Variants in ITGA9 observed in about 807,000 individuals in gnomAD.
ITGA9 encodes integrin subunit alpha 9.
In ITGA9, 56 loss-of-function variants were observed where a neutral mutation model predicts 127.8. That is an observed-to-expected ratio of 0.44 (90% CI 0.35 to 0.55). The LOEUF is 0.55. Among genes scored for constraint, ITGA9 ranks in the 20% least tolerant of loss-of-function variants. The pLI, the probability that ITGA9 is intolerant of heterozygous loss-of-function variation, is 0.00. For missense variants in ITGA9, 1,196 were observed against 1,347.1 expected (o/e 0.89, Z 1.76); for synonymous variants, 508 against 514.5 (o/e 0.99, Z 0.17).
intron 8 of ITGA9, among the ~76,000 whole-genome samples, chr3:37,511,449 T>C (rs936226639): frequency 6.6e-6 from 1 of 152,238 alleles, no homozygotes; most frequent in Admixed American, 6.5e-5. Flanking sequence ...ACTTCACATA[T>C]AGAGATTTCT....
At chr3:37,673,383 G>A (rs915511177) in intron 17 of ITGA9, among the ~76,000 whole-genome samples, 2 of 152,162 alleles carry the variant, frequency 1.3e-5, no homozygotes, top group Admixed American at 1.3e-4. Flanking sequence ...TTGCAGATAA[G>A]CTTCTTGGGA....
chr3:37,659,256 A>G (rs1015925637), intron 17 of ITGA9, among the ~76,000 whole-genome samples: 14 of 152,238 alleles, frequency 9.2e-5, no homozygotes, highest in Admixed American at 5.2e-4. Context: ...CTCCTGGATA[A>G]TATCCTGAAG....
At position 37,464,206 on chromosome 3, in the gene ITGA9, A is replaced by T. The variant is rs147057885; in HGVS notation, c.186-6801A>T. On this transcript the variant is annotated intron_variant, in intron 1 of 27. Transcript: ENST00000264741. ...GTGTTTTTGCAGATTTTTTTGTGCT[A>T]GTTCTTGTTATCAGTTGTTTATGCA... Among the ~76,000 whole-genome samples the T allele has an allele frequency of 5.4e-5, 8 of 148,386 alleles. No individual in the cohort carries two copies. In the East Asian group the frequency reaches 1.6e-3, roughly 29 times the overall value.
intron 18 of ITGA9, among the ~76,000 whole-genome samples, chr3:37,725,024 G>A (rs1701231456): frequency 6.6e-6 from 1 of 152,108 alleles, no homozygotes; most frequent in African/African-American, 2.4e-5. Flanking sequence ...CACCCTCTCT[G>A]TGACTTCTCA....
chr3:37,470,048 C>T (rs1463917612), intron 1 of ITGA9, among the ~76,000 whole-genome samples: 1 of 152,036 alleles, frequency 6.6e-6, no homozygotes, highest in Non-Finnish European at 1.5e-5. Context: ...CTGCCCACCT[C>T]GGCCTCCCAG....
intron 20 of ITGA9, among the ~76,000 whole-genome samples, chr3:37,737,337 TTGTC>T (rs200426450): frequency 0.013 from 1,946 of 152,270 alleles, 20 homozygotes; most frequent in Non-Finnish European, 0.015. Context: ...CCTCTGCAAA[TTGTC>T]TGGCTGGGCC....
At chr3:37,804,592 G>A (rs1697271655) in intron 27 of ITGA9, among the ~76,000 whole-genome samples, 1 of 152,268 alleles carries the variant, frequency 6.6e-6, no homozygotes, top group African/African-American at 2.4e-5. Flanking sequence ...CATCAGTAAT[G>A]GTATTGGAGG....
intron 18 of ITGA9, among the ~76,000 whole-genome samples, chr3:37,711,089 G>T (rs907679725): frequency 1.3e-5 from 2 of 152,194 alleles, no homozygotes; most frequent in African/African-American, 4.8e-5. Context: ...GGCTCCACTG[G>T]AGGATCTGCT....
chr3:37,616,576 C>A (rs1356903953), intron 15 of ITGA9, among the ~76,000 whole-genome samples: 1 of 152,098 alleles, frequency 6.6e-6, no homozygotes, highest in Non-Finnish European at 1.5e-5. Flanking sequence ...GTTAAAGTCT[C>A]CCATTATATT....
At position 37,452,622 on chromosome 3, in the gene ITGA9, G is replaced by A; in HGVS notation, c.185+63G>A. 1.5e-6 allele frequency: 2 copies of A among 1,356,470 alleles called. No individual in the cohort carries two copies. Among genetic ancestry groups the A allele is most frequent in the Non-Finnish European group, 1.9e-6 (2 of 1,034,146 alleles). The allele number at this position is 1,356,470 out of a possible 1,614,324, so 84.0% of individuals were successfully genotyped here. ...GGCCACCGCCCCGGCCCCCAGGCCA[G>A]CGCCGCCGCCGCCTTTCCGGTCTCT... is the stretch of plus-strand genomic sequence containing the variant. On this transcript the variant is annotated intron_variant, in intron 1 of 27. Coordinates refer to ENST00000264741, the MANE Select transcript of ITGA9 (RefSeq NM_002207.3). The surrounding 1 kb of genome is among the most constrained non-coding windows in gnomAD (Gnocchi z 7.3).
rs755375014 is a variant in ITGA9 at position 37,743,968 on chromosome 3, C to T, written c.2367C>T (p.Asp789=). 18 of 1,613,944 alleles carry T rather than the reference C, an allele frequency of 1.1e-5. No individual in the cohort carries two copies. In the Middle Eastern group the frequency reaches 6.6e-4, roughly 59 times the overall value. ...PTSFVYGESV[D]AANFIQLDDL... Reference sequence around the variant, plus strand: ...CCTTTGTATATGGCGAGTCCGTGGACGCAGCCAACTTCATTCAGCTGGATG... The same window carrying T: ...CCTTTGTATATGGCGAGTCCGTGGATGCAGCCAACTTCATTCAGCTGGATG... Residue 789 remains aspartate, a synonymous_variant, in exon 22 of 28, where the codon GAC becomes GAT. Coordinates refer to ENST00000264741, the MANE Select transcript of ITGA9 (RefSeq NM_002207.3).
intron 16 of ITGA9, among the ~76,000 whole-genome samples, chr3:37,632,315 G>A (rs576936825): frequency 6.6e-6 from 1 of 152,236 alleles, no homozygotes; most frequent in East Asian, 1.9e-4. Context: ...AGGAATGAAA[G>A]GCAAGGGAAG....
intron 23 of ITGA9, among the ~76,000 whole-genome samples, chr3:37,761,473 T>C (rs1696722538): frequency 6.6e-6 from 1 of 152,206 alleles, no homozygotes; most frequent in Non-Finnish European, 1.5e-5. Flanking sequence ...TTAATAATGC[T>C]CCCTTAGGAT....
chr3:37,476,569 A>G (rs553945213), intron 3 of ITGA9, among the ~76,000 whole-genome samples: 1 of 152,122 alleles, frequency 6.6e-6, no homozygotes, highest in Non-Finnish European at 1.5e-5. Flanking sequence ...AGTTATCCTC[A>G]TGGCATTTTG....
Position 37,491,690 on chromosome 3 carries a change from T to G in ITGA9, c.545-2811T>G, listed in dbSNP as rs1174344539. ...TGCGCCTACCTCACTTCCCATAGCT[T>G]TGTGATATAGGCTGTCCTGCCATCT... On this transcript the variant is annotated intron_variant, in intron 4 of 27. Transcript: ENST00000264741. Among the ~76,000 whole-genome samples the G allele has an allele frequency of 3.9e-5, 6 of 152,158 alleles. 1 individual carries two copies. Among genetic ancestry groups the G allele is most frequent in the Admixed American group, 3.9e-4 (6 of 15,284 alleles).
intron 15 of ITGA9, among the ~76,000 whole-genome samples, chr3:37,547,782 A>C (rs1699341415): frequency 6.6e-6 from 1 of 152,196 alleles, no homozygotes; most frequent in Middle Eastern, 3.2e-3. Flanking sequence ...TCTTCTGAAA[A>C]CTTTTAAAAT....
chr3:37,571,304 C>G (rs187429767), intron 15 of ITGA9, among the ~76,000 whole-genome samples: 364 of 152,212 alleles, frequency 2.4e-3, no homozygotes, highest in African/African-American at 7.5e-3. Flanking sequence ...AAAACTACAC[C>G]CATGCTGCCC....
chr3:37,513,437 T>A (rs1296931070), intron 8 of ITGA9, among the ~76,000 whole-genome samples: 1 of 151,880 alleles, frequency 6.6e-6, no homozygotes, highest in Non-Finnish European at 1.5e-5. Context: ...TTTTTTTATG[T>A]TTTTATTTTT....
chr3:37,795,211 C>A lies in ITGA9; in HGVS notation c.2890-8612C>A, dbSNP rs909328430. On this transcript the variant is annotated intron_variant, in intron 26 of 27. Transcript: ENST00000264741. ...AGCTGGCCTAGGTCTGGAGTTGAAC[C>A]TCCTCTTGGATGGTATTGACCGAGC... is the stretch of plus-strand genomic sequence containing the variant. Among the ~76,000 whole-genome samples the A allele has an allele frequency of 2.4e-4, 37 of 152,138 alleles. 2 individuals carry two copies. Among genetic ancestry groups the A allele is most frequent in the Non-Finnish European group, 5.9e-5 (4 of 68,028 alleles).
Sources: gnomAD v4.1 joint callset for allele counts (sites outside exome capture counted in the v4.1 genomes callset) on GRCh38, gnomAD v4.1.1 for gene constraint, Gnocchi (gnomAD v3.1) non-coding constraint, MANE v1.5 for transcripts, NCBI Gene and HGNC (gene_info 2026-07-23, HGNC 2026-07-21) for gene names.